OPCML: variants seen among roughly 807,000 people sequenced by gnomAD.
OPCML encodes opioid-binding protein/cell adhesion molecule.
In OPCML, 13 loss-of-function variants were observed where a neutral mutation model predicts 37.8. That is an observed-to-expected ratio of 0.34 (90% CI 0.22 to 0.55). The LOEUF (loss-of-function observed/expected upper bound fraction) is 0.55, where lower values mean the gene tolerates loss of function less well. OPCML is among the 20% of genes least tolerant of loss of function. The pLI is 0.91. For synonymous variants in OPCML, 176 were observed against 168.8 expected (o/e 1.04, Z -0.33); for missense variants, 341 against 435.6 (o/e 0.78, Z 1.93).
At chr11:133,285,079 T>C (rs537726298) in intron 1 of OPCML, among the ~76,000 whole-genome samples, 2 of 152,066 alleles carry the variant, frequency 1.3e-5, no homozygotes, top group South Asian at 4.2e-4. Flanking sequence ...CCTAGAGTAA[T>C]GAGAGACCTC....
At chr11:132,797,077 A>C (rs569729759) in intron 2 of OPCML, among the ~76,000 whole-genome samples, 7 of 152,328 alleles carry the variant, frequency 4.6e-5, no homozygotes, top group Non-Finnish European at 1.0e-4. Flanking sequence ...CCTTTTTAAT[A>C]GTTGTCCTTT....
chr11:132,471,251 A>G (rs2096137206), intron 4 of OPCML, among the ~76,000 whole-genome samples: 1 of 152,162 alleles, frequency 6.6e-6, no homozygotes, highest in African/African-American at 2.4e-5. Flanking sequence ...CACTTTGTCT[A>G]CATGGCAGGG....
At chr11:133,042,047 T>TG (rs1429949973) in intron 1 of OPCML, among the ~76,000 whole-genome samples, 4 of 151,494 alleles carry the variant, frequency 2.6e-5, no homozygotes, top group Admixed American at 1.3e-4. Flanking sequence ...AGCTGGGGGG[T>TG]GGGGGGAGCC....
intron 2 of OPCML, among the ~76,000 whole-genome samples, chr11:132,877,308 T>C (rs534366247): frequency 5.3e-5 from 8 of 152,042 alleles, no homozygotes; most frequent in Non-Finnish European, 1.0e-4. Flanking sequence ...CAAAAAAAGA[T>C]GCAATATTCA....
chr11:132,472,327 T>C (rs2096140616), intron 4 of OPCML, among the ~76,000 whole-genome samples: 1 of 152,172 alleles, frequency 6.6e-6, no homozygotes, highest in Admixed American at 6.5e-5. Flanking sequence ...AAAAATCTGC[T>C]AAATGTGCAA....
chr11:133,262,387 A>G (rs1287264415), intron 1 of OPCML, among the ~76,000 whole-genome samples: 7 of 152,228 alleles, frequency 4.6e-5, no homozygotes, highest in Non-Finnish European at 8.8e-5. Flanking sequence ...GCGGAGCATG[A>G]GGTGTTTGTA....
chr11:132,628,474 C>G (rs1939880698), intron 3 of OPCML, among the ~76,000 whole-genome samples: 1 of 152,082 alleles, frequency 6.6e-6, no homozygotes. Context: ...GAAGCACTAC[C>G]CCTCCCAGGA....
At chr11:133,285,041 A>C (rs1861822910) in intron 1 of OPCML, among the ~76,000 whole-genome samples, 1 of 152,126 alleles carries the variant, frequency 6.6e-6, no homozygotes. Flanking sequence ...ATCAAATCAG[A>C]ACACAAGAAG....
chr11:132,558,326 TCC>T (rs1431029975), intron 3 of OPCML, among the ~76,000 whole-genome samples: 1 of 11,816 alleles, frequency 8.5e-5, no homozygotes, highest in Non-Finnish European at 1.4e-4. Flanking sequence ...TCCTCCCCTC[TCC>T]CCCCCTCCTC....
chr11:133,509,739 C>G (rs540681135), intron 1 of OPCML, among the ~76,000 whole-genome samples: 26 of 152,332 alleles, frequency 1.7e-4, no homozygotes, highest in Non-Finnish European at 3.7e-4. Flanking sequence ...CTTCTCTCCT[C>G]TCTAGCTAAC....
chr11:133,215,197 A>G (rs1006774023), intron 1 of OPCML, among the ~76,000 whole-genome samples: 2 of 144,884 alleles, frequency 1.4e-5, no homozygotes, highest in African/African-American at 5.6e-5. Flanking sequence ...TTTAAGAGAG[A>G]GAGAGAGAGT....
At chr11:133,482,614 G>A (rs1166374714) in intron 1 of OPCML, among the ~76,000 whole-genome samples, 1 of 152,074 alleles carries the variant, frequency 6.6e-6, no homozygotes, top group African/African-American at 2.4e-5. Flanking sequence ...AGCAAAATGA[G>A]CCTGTTCTGT....
intron 4 of OPCML, among the ~76,000 whole-genome samples, chr11:132,516,198 A>T (rs1472069064): frequency 6.6e-6 from 1 of 152,164 alleles, no homozygotes; most frequent in East Asian, 1.9e-4. Flanking sequence ...CAGTAAGCTC[A>T]CTCGTCATCC....
chr11:133,394,068 T>C (rs568066687), intron 1 of OPCML, among the ~76,000 whole-genome samples: 14 of 152,316 alleles, frequency 9.2e-5, no homozygotes, highest in Admixed American at 7.8e-4. Flanking sequence ...ATGCAACATG[T>C]CCTGTTGACT....
At chr11:133,280,742 A>T (rs1942123804) in intron 1 of OPCML, among the ~76,000 whole-genome samples, 1 of 152,226 alleles carries the variant, frequency 6.6e-6, no homozygotes, top group African/African-American at 2.4e-5. Context: ...GTTGCATAAA[A>T]ACAATGAGGC....
chr11:132,764,760 C>A (rs1348995677), intron 2 of OPCML, among the ~76,000 whole-genome samples: 1 of 152,198 alleles, frequency 6.6e-6, no homozygotes, highest in African/African-American at 2.4e-5. Flanking sequence ...TCACTCCTCT[C>A]CAATGCAGGG....
chr11:133,080,137 A>G (rs1469068378), intron 1 of OPCML, among the ~76,000 whole-genome samples: 7 of 152,180 alleles, frequency 4.6e-5, no homozygotes, highest in African/African-American at 7.2e-5. Context: ...CTACTGGCCA[A>G]TCCACAAGAG....
At chr11:132,609,465 C>G (rs905493460) in intron 3 of OPCML, among the ~76,000 whole-genome samples, 2 of 152,048 alleles carry the variant, frequency 1.3e-5, no homozygotes, top group Admixed American at 6.5e-5. Context: ...CTCTGCCTAC[C>G]CTCATGCTCT....
At chr11:133,216,521 C>T (rs981490837) in intron 1 of OPCML, among the ~76,000 whole-genome samples, 2 of 152,176 alleles carry the variant, frequency 1.3e-5, no homozygotes, top group East Asian at 3.9e-4. Flanking sequence ...GTGCTAGTTA[C>T]ATAAATAGCT....
Sources: allele counts gnomAD v4.1 joint callset (sites outside exome capture counted in the v4.1 genomes callset), GRCh38; gene constraint gnomAD v4.1.1; transcripts MANE v1.5; gene names NCBI Gene and HGNC (gene_info 2026-07-23, HGNC 2026-07-21).